The following OTOA variants were observed in gnomAD, a reference collection of about 807,000 sequenced individuals.
OTOA encodes cancer/testis antigen 108.
OTOA carries 70 observed loss-of-function variants against 110.8 expected under a neutral mutation model. The ratio of observed to expected loss-of-function variants is 0.63; its 90% CI spans 0.52 to 0.77. The LOEUF is 0.77. Ranked by LOEUF, OTOA falls within the 30% of genes least tolerant of loss-of-function variation. The pLI is 0.00. For synonymous variants in OTOA, 373 were observed against 431.5 expected (o/e 0.86, Z 1.68); for missense variants, 917 against 1,075.8 (o/e 0.85, Z 2.06).
chr16:21,678,860 G>A, intron 2 of OTOA, 55 bp from the exon 3 acceptor site: 2 of 1,594,844 alleles, frequency 1.3e-6, no homozygotes, highest in Non-Finnish European at 1.7e-6. Flanking sequence ...CATATTTGTA[G>A]TTTTGAAGGT....
Position 21,705,535 on chromosome 16 carries a change from C to T in OTOA, c.1104+243C>T, listed in dbSNP as rs964374087. The T allele has an allele frequency of 8.8e-6, 5 of 567,290 alleles. No individual in the cohort carries two copies. In the South Asian group the frequency reaches 1.0e-4, roughly 11 times the overall value. The allele number at this position is 567,290 out of a possible 1,614,324, so 35.1% of individuals were successfully genotyped here. On this transcript the variant is annotated intron_variant, in intron 12 of 28. Coordinates refer to ENST00000646100, the MANE Select transcript of OTOA (RefSeq NM_144672.4). The stretch of plus-strand genomic sequence containing the variant: ...TAATCAGAAAGCTGTCTCAGCCAGG[C>T]GCGGTGGCTCATGCCTGTAATCCCA...
At chr16:21,679,781 C>T (rs965709649) in intron 5 of OTOA, among the ~76,000 whole-genome samples, 1 of 152,112 alleles carries the variant, frequency 6.6e-6, no homozygotes, top group African/African-American at 2.4e-5. Flanking sequence ...CAATCTAATC[C>T]TCACAAGTGC....
chr16:21,758,059 C>A lies in OTOA; in HGVS notation c.3349+782C>A, dbSNP rs1380922040. On this transcript the variant is annotated intron_variant, in intron 28 of 28. Transcript: ENST00000646100. Reference sequence around the variant, plus strand: ...AGAAGATATTTCAAATCTGACAAGACCAGGGAGGGTGATAGTGACTGAGGG... The same window carrying A: ...AGAAGATATTTCAAATCTGACAAGAACAGGGAGGGTGATAGTGACTGAGGG... Among the ~76,000 whole-genome samples, 2 of 151,818 alleles carry A rather than the reference C, an allele frequency of 1.3e-5. 1 individual carries two copies. The highest frequency in any genetic ancestry group is 2.9e-5 in the Non-Finnish European group (2 of 67,932).
In OTOA at chr16:21,687,568, G is replaced by A; in HGVS notation, c.555G>A (p.Arg185=). 1 of 1,614,022 alleles carries A rather than the reference G, an allele frequency of 6.2e-7. No individual in the cohort carries two copies. ...TGGAGATCCTGGGCAAGGTGCTGAG[G>A]GGGTCCTCAGGGAGCTTTCTCCAGC... is the stretch of plus-strand genomic sequence containing the variant. ...ECVEILGKVL[R]GSSGSFLQPD... is the part of the protein sequence containing the mutation. Residue 185 remains arginine (R), a synonymous_variant, in exon 8 of 29, where the codon AGG becomes AGA. Transcript: ENST00000646100.
chr16:21,679,322 A>C, intron 5 of OTOA, 111 bp downstream of exon 5: 2 of 1,196,740 alleles, frequency 1.7e-6, no homozygotes, highest in Admixed American at 1.8e-5. Context: ...AAAAAATGTC[A>C]ATCAATGCAC....
chr16:21,682,948 G>A (rs971735839), intron 6 of OTOA, among the ~76,000 whole-genome samples: 11 of 152,192 alleles, frequency 7.2e-5, no homozygotes, highest in African/African-American at 2.2e-4. Context: ...TTCTTCATCA[G>A]TCAGGGAAAC....
chr16:21,680,171 T>A (rs903723489), intron 5 of OTOA, among the ~76,000 whole-genome samples: 2 of 136,420 alleles, frequency 1.5e-5, no homozygotes, highest in African/African-American at 5.8e-5. Context: ...AGTATTTTAT[T>A]TGTTTATTAA....
chr16:21,715,053 C>T lies in OTOA; in HGVS notation c.1389C>T (p.Cys463=), dbSNP rs1898508707. Residue 463 remains cysteine (C), a synonymous_variant, in exon 14 of 29, where the codon TGC becomes TGT. Transcript: ENST00000646100. The part of the protein sequence containing the change: ...LLAGVSTQAF[C]SMKRKDISQV... ...CTGGGGTCAGCACCCAGGCCTTCTG[C>T]AGCATGAAACGCAAGGACATCTCGC... The T allele has an allele frequency of 1.2e-6, 2 of 1,614,226 alleles. No individual in the cohort carries two copies. The highest frequency in any genetic ancestry group is 1.7e-6 in the Non-Finnish European group (2 of 1,180,032).
chr16:21,675,589 G>A (rs1302300042), intron 1 of OTOA, among the ~76,000 whole-genome samples: 1 of 151,726 alleles, frequency 6.6e-6, no homozygotes, highest in Non-Finnish European at 1.5e-5. Flanking sequence ...TTTTACTTTG[G>A]ATAATTTATT....
intron 1 of OTOA, among the ~76,000 whole-genome samples, chr16:21,669,671 G>A (rs972708581): frequency 6.6e-6 from 1 of 151,948 alleles, no homozygotes; most frequent in African/African-American, 2.4e-5. Flanking sequence ...TTTTGGTTCC[G>A]CCTTCCAAAT....
In OTOA at chr16:21,728,325, AT is replaced by A. The variant is rs1271983360; in HGVS notation, c.2102del (p.Ile701ThrfsTer27). On this transcript the variant is annotated frameshift_variant, in exon 20 of 29. Transcript: ENST00000646100. LOFTEE classifies it high-confidence loss of function. ...HLPAAIIDRG[I>X]SPRAWATALH... ...GCCGGCAGCCATCATCGACAGGGGG[AT>A]CTCCCCCAGGGCTTGGGCGACTGCT... The A allele has an allele frequency of 7.4e-6, 12 of 1,613,688 alleles. No homozygotes were observed. Among genetic ancestry groups the A allele is most frequent in the Non-Finnish European group, 1.0e-5 (12 of 1,179,966 alleles).
chr16:21,736,110 A>G (rs1899286112), intron 21 of OTOA, 151 bp from the exon 22 acceptor site: 5 of 690,770 alleles, frequency 7.2e-6, no homozygotes, highest in South Asian at 1.8e-5. Flanking sequence ...TATAGAGACC[A>G]CATTAGTGGG....
chr16:21,708,087 G>C, intron 12 of OTOA, among the ~76,000 whole-genome samples: 1 of 151,792 alleles, frequency 6.6e-6, no homozygotes, highest in South Asian at 2.1e-4. Flanking sequence ...CACCACGCCC[G>C]GTCTGTGCAC....
intron 6 of OTOA, 26 bp downstream of exon 6, chr16:21,681,851 G>A (rs1966898253): frequency 1.3e-6 from 2 of 1,595,802 alleles, no homozygotes; most frequent in African/African-American, 1.3e-5. Context: ...CCATCTATAT[G>A]TTCCCATCTC....
intron 14 of OTOA, 31 bp downstream of exon 14, chr16:21,715,183 A>G (rs1898515216): frequency 1.2e-6 from 2 of 1,613,722 alleles, no homozygotes; most frequent in African/African-American, 2.7e-5. Flanking sequence ...GCTCAGCCAC[A>G]TGTCACAGGG....
intron 1 of OTOA, among the ~76,000 whole-genome samples, chr16:21,670,582 T>G (rs1469494074): frequency 2.0e-5 from 3 of 152,208 alleles, no homozygotes; most frequent in Non-Finnish European, 4.4e-5. Flanking sequence ...ATTATCTATT[T>G]TCTGCCTGGT....
chr16:21,735,391 A>G (rs927486412), intron 21 of OTOA, among the ~76,000 whole-genome samples: 1 of 151,952 alleles, frequency 6.6e-6, no homozygotes, highest in East Asian at 1.9e-4. Flanking sequence ...TTGTGAGGAC[A>G]GTACCAAGGG....
intron 9 of OTOA, among the ~76,000 whole-genome samples, chr16:21,694,221 A>C (rs1360760048): frequency 6.6e-6 from 1 of 152,136 alleles, no homozygotes; most frequent in Non-Finnish European, 1.5e-5. Flanking sequence ...CAGGAGGATT[A>C]CTTGAAGCCA....
In OTOA at chr16:21,752,281, A is replaced by G. The variant is rs552579653; in HGVS notation, c.2919-88A>G. The G allele has an allele frequency of 3.6e-3, 2,642 of 726,372 alleles. 205 individuals are homozygous for G. Among genetic ancestry groups the G allele is most frequent in the South Asian group, 0.01 (592 of 56,534 alleles). The allele number at this position is 726,372 out of a possible 1,614,324, so 45.0% of individuals were successfully genotyped here. On this transcript the variant is annotated intron_variant, in intron 25 of 28. Transcript: ENST00000646100. ...AGCCTACTGTGCAGTGTGTGTGTGT[A>G]TGTGTGTGTGTGTGTGTGTGTGTTT... is the stretch of plus-strand genomic sequence containing the variant.
Sources: allele counts gnomAD v4.1 joint callset (sites outside exome capture counted in the v4.1 genomes callset), GRCh38; gene constraint gnomAD v4.1.1; transcripts MANE v1.5; gene names NCBI Gene and HGNC (gene_info 2026-07-23, HGNC 2026-07-21).